MFN1: variants seen among roughly 807,000 people sequenced by gnomAD.
MFN1 encodes the protein mitofusin 1, also known as mitofusin-1.
Under a neutral mutation model 92.4 loss-of-function variants are expected in MFN1, and 65 were observed. The observed-to-expected ratio is 0.70, with a 90% CI of 0.58 to 0.86. The LOEUF (loss-of-function observed/expected upper bound fraction) is 0.86, where lower values mean the gene tolerates loss of function less well. MFN1 is among the 40% of genes least tolerant of loss of function. The probability of loss-of-function intolerance (pLI) is 0.00; values close to 1 mark genes in which losing one functional copy is unlikely to be tolerated. For synonymous variants in MFN1, 297 were observed against 300.9 expected (o/e 0.99, Z 0.13); for missense variants, 781 against 868.0 (o/e 0.90, Z 1.26).
intron 2 of MFN1, among the ~76,000 whole-genome samples, chr3:179,349,923 C>T (rs1019468363): frequency 1.3e-5 from 2 of 151,972 alleles, no homozygotes; most frequent in African/African-American, 4.8e-5. Context: ...AGTCCAAGAT[C>T]GGCAGATTAC....
At chr3:179,369,711 G>A (rs909833777) in intron 9 of MFN1, among the ~76,000 whole-genome samples, 1 of 152,102 alleles carries the variant, frequency 6.6e-6, no homozygotes, top group Non-Finnish European at 1.5e-5. Context: ...AGATCCAGGG[G>A]GTTGGGGTTG....
At chr3:179,367,928 G>A (rs113028143) in intron 8 of MFN1, 108 bp from the exon 9 acceptor site, 87,596 of 531,674 alleles carry the variant, frequency 0.16, 7,510 homozygotes, top group Admixed American at 0.24. Context: ...TGTCTCGGGG[G>A]AAAAAGTATA....
At chr3:179,357,099 G>A (rs1712374389) in intron 3 of MFN1, among the ~76,000 whole-genome samples, 1 of 152,090 alleles carries the variant, frequency 6.6e-6, no homozygotes, top group African/African-American at 2.4e-5. Context: ...ATTCCTCTGT[G>A]GGGGGTCTTC....
chr3:179,351,941 G>T lies in MFN1; in HGVS notation c.154G>T (p.Asp52Tyr). 1.2e-6 allele frequency: 2 copies of T among 1,609,680 alleles called. No homozygotes were observed. Among genetic ancestry groups the T allele is most frequent in the Non-Finnish European group, 1.7e-6 (2 of 1,176,664 alleles). The change falls in exon 3 of 18, where the codon GAT becomes TAT. Residue 52 changes from aspartate (D) to tyrosine (Y), a missense_variant. Physicochemically the swap from Asp to Tyr is radical, Grantham distance 160. Coordinates refer to ENST00000471841, the MANE Select transcript of MFN1 (RefSeq NM_033540.3). ...NPELDRIATE[D>Y]DLVEMQGYKD... ...GGAACTTGATCGAATAGCCACTGAA[G>T]ATGATCTGGTAGAAATGCAAGGATA...
rs547762546 is a variant in MFN1 at position 179,350,054 on chromosome 3, G to A, written c.112+1091G>A. On this transcript the variant is annotated intron_variant, in intron 2 of 17. Transcript: ENST00000471841. Reference sequence around the variant, plus strand: ...GTAATCCTAGCTACTCAGGAGGCTCGAGGAGGGAGAATCGCTTGAACCTGG... The same window carrying A: ...GTAATCCTAGCTACTCAGGAGGCTCAAGGAGGGAGAATCGCTTGAACCTGG... Among the ~76,000 whole-genome samples, 5 of 152,012 alleles carry A rather than the reference G, an allele frequency of 3.3e-5. No individual in the cohort carries two copies. In the East Asian group the frequency reaches 7.8e-4, roughly 24 times the overall value.
chr3:179,352,103 GT>G, intron 3 of MFN1, 68 bp downstream of exon 3: 3 of 1,470,316 alleles, frequency 2.0e-6, no homozygotes, highest in Non-Finnish European at 2.8e-6. Context: ...GTTTCAACAA[GT>G]AATATTTCTC....
chr3:179,386,803 C>G (rs926042898), intron 16 of MFN1, among the ~76,000 whole-genome samples, 174 bp downstream of exon 16: 10 of 152,214 alleles, frequency 6.6e-5, no homozygotes, highest in Admixed American at 6.5e-4. Context: ...GCTGCCCTTT[C>G]TCCCTCCTAA....
intron 2 of MFN1, among the ~76,000 whole-genome samples, chr3:179,349,336 C>A (rs1234759385): frequency 6.6e-6 from 1 of 152,160 alleles, no homozygotes; most frequent in Admixed American, 6.5e-5. Context: ...GACAAAAAAT[C>A]AGGCAGTCCA....
rs575449336 is a variant in MFN1 at position 179,392,235 on chromosome 3, T to C, written c.*176T>C. 4.4e-6 allele frequency: 2 copies of C among 449,486 alleles called. No homozygotes were observed. Among genetic ancestry groups the C allele is most frequent in the Non-Finnish European group, 8.0e-6 (2 of 249,650 alleles). The allele number at this position is 449,486 out of a possible 1,614,324, so 27.8% of individuals were successfully genotyped here. On this transcript the variant is annotated 3_prime_UTR_variant, in exon 18 of 18. Coordinates refer to ENST00000471841, the MANE Select transcript of MFN1 (RefSeq NM_033540.3). The stretch of plus-strand genomic sequence containing the variant: ...TCAGGGTATGTGTATTTTTGAAGAG[T>C]GTTATGTCCTTAGTTTTAATTTTGA...
chr3:179,349,839 T>A (rs1712073439), intron 2 of MFN1, among the ~76,000 whole-genome samples: 2 of 151,694 alleles, frequency 1.3e-5, no homozygotes, highest in South Asian at 4.2e-4. Context: ...CTGTTGAAAT[T>A]TTTTCTGGTT....
At chr3:179,377,993 G>GTTC (rs1713310346) in intron 12 of MFN1, among the ~76,000 whole-genome samples, 1 of 152,100 alleles carries the variant, frequency 6.6e-6, no homozygotes, top group Non-Finnish European at 1.5e-5. Flanking sequence ...CCGGAAGGCA[G>GTTC]AAGTGGCAGT....
At chr3:179,374,435 A>G (rs1042342370) in intron 9 of MFN1, among the ~76,000 whole-genome samples, 17 of 112,056 alleles carry the variant, frequency 1.5e-4, no homozygotes, top group African/African-American at 7.0e-4. Context: ...TATTCTATAT[A>G]TTGAAAATTG....
Position 179,387,031 on chromosome 3 carries a change from T to C in MFN1, c.2012+402T>C, listed in dbSNP as rs1713712251. ...CTTGGGCTCAAGTGATCTTACTGCC[T>C]CAGCCTCCCACGTAGCTGGGACCAC... On this transcript the variant is annotated intron_variant, in intron 16 of 17. Coordinates refer to ENST00000471841, the MANE Select transcript of MFN1 (RefSeq NM_033540.3). Among the ~76,000 whole-genome samples, 4 of 152,212 alleles carry C rather than the reference T, an allele frequency of 2.6e-5. No individual in the cohort carries two copies. The South Asian group carries it at 8.3e-4, about 32-fold the overall frequency.
intron 9 of MFN1, among the ~76,000 whole-genome samples, chr3:179,374,991 C>G (rs925123061): frequency 6.6e-6 from 1 of 152,130 alleles, no homozygotes; most frequent in African/African-American, 2.4e-5. Context: ...TTGCACATTA[C>G]TGTGTAAAAA....
chr3:179,382,539 C>T (rs1713511452), intron 14 of MFN1, among the ~76,000 whole-genome samples: 1 of 152,186 alleles, frequency 6.6e-6, no homozygotes, highest in Non-Finnish European at 1.5e-5. Flanking sequence ...CATATGTGTG[C>T]ATGTGTCTTT....
intron 2 of MFN1, among the ~76,000 whole-genome samples, chr3:179,350,878 A>G (rs919000440): frequency 5.3e-5 from 8 of 152,140 alleles, no homozygotes; most frequent in African/African-American, 1.9e-4. Flanking sequence ...TTTTTTTGAG[A>G]CGATGTCTCA....
rs1194775365 is a variant in MFN1 at position 179,385,676 on chromosome 3, C to T, written c.1770C>T (p.Ser590=). The T allele has an allele frequency of 1.5e-5, 25 of 1,613,512 alleles. No homozygotes were observed. Among genetic ancestry groups the T allele is most frequent in the Non-Finnish European group, 1.9e-5 (23 of 1,179,814 alleles). Residue 590 remains serine (S), a synonymous_variant, in exon 15 of 18, where the codon TCC becomes TCT. Coordinates refer to ENST00000471841, the MANE Select transcript of MFN1 (RefSeq NM_033540.3). ...LMITLVTGLA[S]VTSRTSMGII... Reference sequence around the variant, plus strand: ...TTACATTAGTAACAGGATTGGCGTCCGTTACATCTAGAACTTCTATGGGCA... The same window carrying T: ...TTACATTAGTAACAGGATTGGCGTCTGTTACATCTAGAACTTCTATGGGCA...
At chr3:179,368,496 ACT>A (rs1411722936) in intron 9 of MFN1, among the ~76,000 whole-genome samples, 2 of 152,240 alleles carry the variant, frequency 1.3e-5, no homozygotes, top group East Asian at 3.8e-4. Flanking sequence ...GTGCCGCATG[ACT>A]AATAGAAGTA....
intron 16 of MFN1, among the ~76,000 whole-genome samples, chr3:179,389,793 C>T (rs1303653367): frequency 1.3e-5 from 2 of 152,064 alleles, no homozygotes; most frequent in Admixed American, 1.3e-4. Flanking sequence ...TTCATGTTCA[C>T]AGCCATATAG....
Sources: allele counts gnomAD v4.1 joint callset (sites outside exome capture counted in the v4.1 genomes callset), GRCh38; gene constraint gnomAD v4.1.1; transcripts MANE v1.5; gene names NCBI Gene and HGNC (gene_info 2026-07-23, HGNC 2026-07-21).